CFAP20DC: variants seen among roughly 807,000 people sequenced by gnomAD.
CFAP20DC encodes the protein protein CFAP20DC.
A neutral mutation model predicts 101.7 loss-of-function variants in CFAP20DC; 84 were observed. That is an observed-to-expected ratio of 0.83 (90% CI 0.69 to 0.99). CFAP20DC has a LOEUF of 0.99. CFAP20DC is among the 50% of genes least tolerant of loss of function. The pLI is 0.00. For missense variants in CFAP20DC, 1,007 were observed against 970.3 expected, an observed-to-expected ratio of 1.04 and a Z score of -0.50; for synonymous variants, 359 against 351.2, an observed-to-expected ratio of 1.02 and a Z score of -0.25.
At chr3:59,035,820 G>A (rs2094090812) in intron 4 of CFAP20DC, among the ~76,000 whole-genome samples, 1 of 152,012 alleles carries the variant, frequency 6.6e-6, no homozygotes, top group African/African-American at 2.4e-5. Context: ...AACAGAAAAA[G>A]AGGGACTCCT....
At chr3:58,933,600 A>G (rs1314239394) in intron 5 of CFAP20DC, among the ~76,000 whole-genome samples, 1 of 152,228 alleles carries the variant, frequency 6.6e-6, no homozygotes, top group Non-Finnish European at 1.5e-5. Flanking sequence ...ATCAAACCAG[A>G]ACTCAGGATT....
chr3:59,020,272 T>C (rs1170093990), intron 4 of CFAP20DC, among the ~76,000 whole-genome samples: 1 of 146,738 alleles, frequency 6.8e-6, no homozygotes, highest in Non-Finnish European at 1.5e-5. Context: ...ATTAAGAGTG[T>C]GGAGGGATCC....
Position 58,899,817 on chromosome 3 carries a change from T to C in CFAP20DC, c.550+13891A>G, listed in dbSNP as rs1466777990. On this transcript the variant is annotated intron_variant, in intron 6 of 16. Coordinates refer to ENST00000482387, the MANE Select transcript of CFAP20DC (RefSeq NM_001394063.1). This position sits in a 1 kb window ranked among gnomAD's most constrained non-coding sequence, Gnocchi z 5.0. ...CAGGTCAAGCTGTTTGCCTAGTCAG[T>C]AATGTGAGAACCTGGATATTTCAGC... Among the ~76,000 whole-genome samples, 2 of 152,132 alleles carry C rather than the reference T, an allele frequency of 1.3e-5. No individual in the cohort carries two copies. The highest frequency in any genetic ancestry group is 3.9e-4 in the East Asian group (2 of 5,166).
chr3:58,718,297 C>A (rs1048823068), intron 3 of CFAP20DC, among the ~76,000 whole-genome samples: 5 of 152,158 alleles, frequency 3.3e-5, no homozygotes, highest in Non-Finnish European at 7.4e-5. Flanking sequence ...GTTTAAGTAT[C>A]CAGTTTATTC....
intron 13 of CFAP20DC, among the ~76,000 whole-genome samples, chr3:58,843,840 G>A (rs1268055332): frequency 5.0e-5 from 7 of 140,688 alleles, no homozygotes; most frequent in Admixed American, 1.4e-4. Context: ...CAAGCCAGAA[G>A]AGAGTGGGGG....
chr3:58,933,925 G>A (rs894322640), intron 5 of CFAP20DC, among the ~76,000 whole-genome samples: 12 of 151,840 alleles, frequency 7.9e-5, no homozygotes, highest in Non-Finnish European at 1.3e-4. Context: ...TAAAATCAGA[G>A]CAGAACTGAA....
At chr3:58,867,289 C>CTCGAATCCAATATTT (rs1212526061) in intron 10 of CFAP20DC, among the ~76,000 whole-genome samples, 1 of 152,072 alleles carries the variant, frequency 6.6e-6, no homozygotes, top group Admixed American at 6.6e-5. Flanking sequence ...ATATACATGC[C>CTCGAATCCAATATTT]TCGAATCCAA....
At chr3:58,794,259 C>T (rs2073070301) in intron 15 of CFAP20DC, 1 of 440,036 alleles carries the variant, frequency 2.3e-6, no homozygotes, top group Admixed American at 2.4e-5. Flanking sequence ...ACCAAACATC[C>T]AACAGCATTT....
Position 59,014,856 on chromosome 3 carries a change from G to A in CFAP20DC, c.278+24701C>T, listed in dbSNP as rs1218234114. Among the ~76,000 whole-genome samples the A allele has an allele frequency of 1.3e-5, 2 of 152,054 alleles. No individual in the cohort carries two copies. The highest frequency in any genetic ancestry group is 2.4e-5 in the African/African-American group (1 of 41,402). ...ATGCTTGACTGGTTTGTGAGGCTCC[G>A]TGGTGAGCATCTCCTCCCAGCTCCA... is the stretch of plus-strand genomic sequence containing the variant. On this transcript the variant is annotated intron_variant, in intron 4 of 16. Coordinates refer to ENST00000482387, the MANE Select transcript of CFAP20DC (RefSeq NM_001394063.1). This position sits in a 1 kb window ranked among gnomAD's most constrained non-coding sequence, Gnocchi z 4.9.
intron 4 of CFAP20DC, among the ~76,000 whole-genome samples, chr3:59,008,723 G>C (rs1025769690): frequency 1.3e-5 from 2 of 152,008 alleles, no homozygotes; most frequent in Admixed American, 6.5e-5. Context: ...GGTGGGAGGA[G>C]GGGGGAGGGA....
chr3:58,941,327 C>CAA (rs752324535), intron 4 of CFAP20DC, among the ~76,000 whole-genome samples: 1,452 of 19,458 alleles, frequency 0.075, 268 homozygotes, highest in Non-Finnish European at 0.1. Flanking sequence ...GACTCCGTCT[C>CAA]AAAAAAAAAA....
At position 58,964,806 on chromosome 3, in the gene CFAP20DC, T is replaced by C. The variant is rs765558743; in HGVS notation, c.279-27044A>G. 5.9e-5 allele frequency among the ~76,000 whole-genome samples: 9 copies of C among 152,202 alleles called. No individual in the cohort carries two copies. The highest frequency in any genetic ancestry group is 1.3e-4 in the Admixed American group (2 of 15,268). On this transcript the variant is annotated intron_variant, in intron 4 of 16. Coordinates refer to ENST00000482387, the MANE Select transcript of CFAP20DC (RefSeq NM_001394063.1). The surrounding 1 kb of genome is among the most constrained non-coding windows in gnomAD (Gnocchi z 4.1). ...AGATTTTGGTGATTACATCATTGTA[T>C]ACTGATTTTTGCAGGTATTTCTATT...
chr3:58,875,242 AT>A (rs147250675), intron 7 of CFAP20DC, among the ~76,000 whole-genome samples: 208 of 151,638 alleles, frequency 1.4e-3, no homozygotes, highest in African/African-American at 2.2e-3. Flanking sequence ...GTGCATATGT[AT>A]TTTTTTTTAC....
chr3:58,838,413 T>A (rs542586626), intron 13 of CFAP20DC, among the ~76,000 whole-genome samples: 1 of 152,292 alleles, frequency 6.6e-6, no homozygotes, highest in Non-Finnish European at 1.5e-5. Flanking sequence ...AGACATTTCA[T>A]AAGCCTGGCT....
intron 4 of CFAP20DC, chr3:59,017,262 G>C (rs570930860): frequency 3.0e-4 from 45 of 152,236 alleles, no homozygotes; most frequent in African/African-American, 9.6e-4. Flanking sequence ...AAAAACCTGA[G>C]ATGAAAGATG....
intron 13 of CFAP20DC, among the ~76,000 whole-genome samples, chr3:58,842,406 A>AT (rs1559685172): frequency 7.8e-4 from 118 of 152,042 alleles, no homozygotes; most frequent in African/African-American, 2.7e-3. Context: ...GGGGTGACAG[A>AT]CGCACCTGGA....
intron 4 of CFAP20DC, among the ~76,000 whole-genome samples, chr3:59,019,750 T>G (rs2093765254): frequency 6.6e-6 from 1 of 152,092 alleles, no homozygotes; most frequent in Non-Finnish European, 1.5e-5. Context: ...TACTTTAAGA[T>G]AGCAGTTTTC....
At chr3:58,812,079 A>G (rs1196292339) in intron 14 of CFAP20DC, among the ~76,000 whole-genome samples, 1 of 152,102 alleles carries the variant, frequency 6.6e-6, no homozygotes, top group Non-Finnish European at 1.5e-5. Flanking sequence ...GGATGTGGAG[A>G]AATAGGAACA....
intron 4 of CFAP20DC, among the ~76,000 whole-genome samples, chr3:59,037,845 T>G (rs188767561): frequency 6.6e-6 from 1 of 152,360 alleles, no homozygotes; most frequent in East Asian, 1.9e-4. Flanking sequence ...ATTACGGCAC[T>G]GTTCACAACA....
Sources: gnomAD v4.1 joint callset for allele counts (sites outside exome capture counted in the v4.1 genomes callset) on GRCh38, gnomAD v4.1.1 for gene constraint, Gnocchi (gnomAD v3.1) non-coding constraint, MANE v1.5 for transcripts, NCBI Gene and HGNC (gene_info 2026-07-23, HGNC 2026-07-21) for gene names.